The following C2CD3 variants were observed in gnomAD, a reference collection of about 807,000 sequenced individuals.
C2CD3 encodes the protein C2 domain containing 3 centriole elongation regulator.
Under a neutral mutation model 234.0 loss-of-function variants are expected in C2CD3, and 148 were observed. The ratio of observed to expected loss-of-function variants is 0.63; its 90% CI spans 0.55 to 0.72. The LOEUF (loss-of-function observed/expected upper bound fraction) is 0.72. Ranked by LOEUF, C2CD3 falls within the 30% of genes least tolerant of loss-of-function variation. The pLI is 0.00. For synonymous variants in C2CD3, 1,000 were observed against 1,035.4 expected (o/e 0.97, Z 0.66); for missense variants, 2,577 against 2,811.5 (o/e 0.92, Z 1.89).
chr11:74,138,943 T>G lies in C2CD3; in HGVS notation c.732A>C (p.Ala244=). Residue 244 remains alanine, a synonymous_variant, in exon 5 of 33, where the codon GCA becomes GCC. Coordinates refer to ENST00000334126, the MANE Select transcript of C2CD3 (RefSeq NM_001286577.2). ...AATCCTTTATTGTATCAGGGTTCTC[T>G]GCAAAGCATACATGGTCTTTTCCCC... ...TPRGKDHVCF[A]ENPDTIKDSS... 6.2e-7 allele frequency: 1 copy of G among 1,611,482 alleles called. No individual in the cohort carries two copies.
At position 74,138,850 on chromosome 11, in the gene C2CD3, T is replaced by G; in HGVS notation, c.825A>C (p.Arg275Ser). The change falls in exon 5 of 33, where the codon AGA becomes AGC. Residue 275 changes from arginine to serine, a missense_variant. Coordinates refer to ENST00000334126, the MANE Select transcript of C2CD3 (RefSeq NM_001286577.2). ...GAAGGGACATCTGCTTCCGTGGAGC[T>G]CTGCCTTTCAGAGTTACAGACTCTA... ...QSLESVTLKG[R>S]APRKQMSLLN... 1 of 1,614,044 alleles carries G rather than the reference T, an allele frequency of 6.2e-7. No individual in the cohort carries two copies. The highest frequency in any genetic ancestry group is 1.1e-5 in the South Asian group (1 of 91,086).
chr11:74,074,425 C>G lies in C2CD3; in HGVS notation c.4779G>C (p.Gln1593His). The G allele has an allele frequency of 1.2e-6, 2 of 1,614,194 alleles. No individual in the cohort carries two copies. The highest frequency in any genetic ancestry group is 1.3e-5 in the African/African-American group (1 of 75,060). ...EQLPRRNDEV[Q>H]LSPPEVISCH... ...AGGAGATGACTTCTGGTGGAGAGAG[C>G]TGGACCTCATCATTCCTTCTGGGGA... Residue 1593 changes from glutamine to histidine, a missense_variant, in exon 24 of 33, where the codon CAG (glutamine) becomes CAC (histidine). Physicochemically the swap from Gln to His is conservative, Grantham distance 24. Transcript: ENST00000334126.
intron 11 of C2CD3, chr11:74,113,507 T>A (rs1956813770): frequency 3.9e-5 from 15 of 383,410 alleles, no homozygotes; most frequent in South Asian, 3.1e-4. Flanking sequence ...GGTGAAACCC[T>A]GTCTCTACTA....
At chr11:74,050,216 A>G (rs74317495) in intron 26 of C2CD3, among the ~76,000 whole-genome samples, 3,717 of 152,290 alleles carry the variant, frequency 0.024, 145 homozygotes, top group African/African-American at 0.083. Flanking sequence ...GCATTTTCCT[A>G]TTTATACTTC....
chr11:74,118,011 T>G (rs1004254849), intron 9 of C2CD3, among the ~76,000 whole-genome samples: 11 of 152,080 alleles, frequency 7.2e-5, no homozygotes, highest in Non-Finnish European at 1.2e-4. Context: ...AAGAACTTAT[T>G]CAGGTAATCA....
At position 74,074,344 on chromosome 11, in the gene C2CD3, T is replaced by G. The variant is rs1198702891; in HGVS notation, c.4860A>C (p.Glu1620Asp). 1 of 1,614,098 alleles carries G rather than the reference T, an allele frequency of 6.2e-7. No individual in the cohort carries two copies. The change falls in exon 24 of 33, where the codon GAA becomes GAC. Residue 1620 changes from glutamate (E) to aspartate (D), a missense_variant. Transcript: ENST00000334126. ...TQVPCSSTTA[E>D]VRLTQEGPAD... ...CAGGGCCCTCCTGCGTCAGGCGGAC[T>G]TCAGCTGTGGTGCTGCTGCAGGGGA...
At chr11:74,085,062 G>A in intron 21 of C2CD3, 92 bp from the exon 22 acceptor site, 1 of 657,840 alleles carries the variant, frequency 1.5e-6, no homozygotes, top group Non-Finnish European at 2.7e-6. Flanking sequence ...CCCCTTATAT[G>A]CACTAAATCT....
chr11:74,112,083 G>A (rs1956771805), intron 11 of C2CD3, among the ~76,000 whole-genome samples: 1 of 152,064 alleles, frequency 6.6e-6, no homozygotes, highest in Non-Finnish European at 1.5e-5. Context: ...TGAACCATGT[G>A]AATGGATTAT....
intron 26 of C2CD3, among the ~76,000 whole-genome samples, chr11:74,051,010 G>A (rs1591338272): frequency 2.0e-5 from 3 of 151,474 alleles, no homozygotes. Flanking sequence ...CCCTTTGGTT[G>A]AGCAGGTGGC....
intron 32 of C2CD3, among the ~76,000 whole-genome samples, chr11:74,025,725 G>T (rs77930432): frequency 0.016 from 2,457 of 152,184 alleles, 52 homozygotes; most frequent in African/African-American, 0.046. Flanking sequence ...GAGGGCTGGA[G>T]GGAAAGGGAG....
rs190173219 is a variant in C2CD3, at chr11:74,072,840, T to C, written c.4951+1413A>G. Among the ~76,000 whole-genome samples, 529 of 152,308 alleles carry C rather than the reference T, an allele frequency of 3.5e-3. 5 individuals are homozygous for C. Among genetic ancestry groups the C allele is most frequent in the Middle Eastern group, 0.034 (10 of 294 alleles). On this transcript the variant is annotated intron_variant, in intron 24 of 32. Coordinates refer to ENST00000334126, the MANE Select transcript of C2CD3 (RefSeq NM_001286577.2). ...AACAAATGAGATGAGGTCTTTGCTT[T>C]TGAACAGTTCATATCTAGTTGAAAA...
At chr11:74,016,391 G>A (rs1403995614) in intron 32 of C2CD3, among the ~76,000 whole-genome samples, 1 of 151,928 alleles carries the variant, frequency 6.6e-6, no homozygotes, top group Non-Finnish European at 1.5e-5. Context: ...GGAACAGCAT[G>A]AGCACAGACC....
intron 23 of C2CD3, 105 bp from the exon 24 acceptor site, chr11:74,074,705 C>A: frequency 1.1e-6 from 1 of 874,280 alleles, no homozygotes; most frequent in Non-Finnish European, 1.7e-6. Context: ...TTTGAAAGGT[C>A]TACAAACCCC....
At position 74,109,109 on chromosome 11, in the gene C2CD3, A is replaced by G. The variant is rs1956646752; in HGVS notation, c.1887T>C (p.Gly629=). Residue 629 remains glycine (G), a synonymous_variant, in exon 12 of 33, where the codon GGT becomes GGC. Coordinates refer to ENST00000334126, the MANE Select transcript of C2CD3 (RefSeq NM_001286577.2). ...TCCACCAGTGCTCTATCATTGGGCC[A>G]CCAAACTGTACTGGAAACACAAATC... is the stretch of plus-strand genomic sequence containing the variant. ...QQRFVFPVQF[G]GPMIEHWWNS... 5 of 1,600,208 alleles carry G rather than the reference A, an allele frequency of 3.1e-6. No individual in the cohort carries two copies. Among genetic ancestry groups the G allele is most frequent in the Admixed American group, 3.5e-5 (2 of 57,088 alleles).
At chr11:74,150,013 T>A (rs1175584435) in intron 3 of C2CD3, among the ~76,000 whole-genome samples, 1 of 152,182 alleles carries the variant, frequency 6.6e-6, no homozygotes, top group African/African-American at 2.4e-5. Context: ...CTTAATTCTT[T>A]GTGTGTGACT....
At chr11:74,111,963 CACACACATATAT>C (rs1288874207) in intron 11 of C2CD3, among the ~76,000 whole-genome samples, 1 of 93,814 alleles carries the variant, frequency 1.1e-5, no homozygotes, top group African/African-American at 4.2e-5. Flanking sequence ...CACACACACA[CACACACATATAT>C]ATATACACAC....
chr11:74,143,355 T>C (rs1438185233), intron 3 of C2CD3, among the ~76,000 whole-genome samples: 1 of 151,980 alleles, frequency 6.6e-6, no homozygotes, highest in Non-Finnish European at 1.5e-5. Flanking sequence ...ACAATGCTTA[T>C]TATTTTTTAA....
intron 30 of C2CD3, among the ~76,000 whole-genome samples, chr11:74,036,782 G>C (rs1952767207): frequency 1.3e-5 from 2 of 152,190 alleles, no homozygotes; most frequent in South Asian, 2.1e-4. Context: ...GCTCAGGCAG[G>C]TTTGCCAATA....
At chr11:74,040,740 T>C (rs1952996529) in intron 29 of C2CD3, among the ~76,000 whole-genome samples, 1 of 151,898 alleles carries the variant, frequency 6.6e-6, no homozygotes, top group South Asian at 2.1e-4. Context: ...GGGGCAACAG[T>C]GCGAGACCCC....
Sources: allele counts gnomAD v4.1 joint callset (sites outside exome capture counted in the v4.1 genomes callset), GRCh38; gene constraint gnomAD v4.1.1; transcripts MANE v1.5; gene names NCBI Gene and HGNC (gene_info 2026-07-23, HGNC 2026-07-21).